ASNSD1: variants seen among roughly 807,000 people sequenced by gnomAD.
ASNSD1 encodes asparagine synthetase domain containing 1.
A neutral mutation model predicts 48.3 loss-of-function variants in ASNSD1; 36 were observed. The observed-to-expected ratio is 0.75, with a 90% CI of 0.57 to 0.99. ASNSD1 has a LOEUF of 0.99. ASNSD1 is among the 50% of genes least tolerant of loss of function. The pLI is 0.00. For missense variants in ASNSD1, 714 were observed against 758.2 expected, an observed-to-expected ratio of 0.94 and a Z score of 0.69; for synonymous variants, 257 against 262.1, an observed-to-expected ratio of 0.98 and a Z score of 0.19.
intron 3 of ASNSD1, 47 bp from the exon 4 acceptor site, chr2:189,665,994 C>T: frequency 2.0e-6 from 2 of 1,002,246 alleles, no homozygotes; most frequent in Non-Finnish European, 1.4e-6. Context: ...GGTAAAAGTC[C>T]AAGAATTTTT....
chr2:189,670,542 T>G lies in ASNSD1; in HGVS notation c.1748T>G (p.Leu583Arg), dbSNP rs1443021952. Reference protein sequence around the residue: ...TLPRGIGEKLLLRLAAVELGL... With the variant: ...TLPRGIGEKLRLRLAAVELGL... ...CCCCGAGGAATTGGTGAAAAATTAC[T>G]TTTACGCCTTGCAGCTGTGGAACTT... The change falls in exon 6 of 6, where the codon CTT (leucine) becomes CGT (arginine). Residue 583 changes from leucine (L) to arginine (R), a missense_variant. Physicochemically the swap from Leu to Arg is moderately radical, Grantham distance 102. Transcript: ENST00000260952. The G allele has an allele frequency of 6.2e-7, 1 of 1,614,160 alleles. No individual in the cohort carries two copies. The highest frequency in any genetic ancestry group is 8.5e-7 in the Non-Finnish European group (1 of 1,179,998).
intron 2 of ASNSD1, among the ~76,000 whole-genome samples, chr2:189,664,341 T>A (rs969509283): frequency 2.0e-5 from 3 of 152,226 alleles, no homozygotes; most frequent in African/African-American, 7.2e-5. Flanking sequence ...CAAAAAAGGA[T>A]ACATTGCTTC....
In ASNSD1 at chr2:189,666,645, AG is replaced by A; in HGVS notation, c.514del (p.Glu172LysfsTer44). 1 of 1,614,180 alleles carries A rather than the reference AG, an allele frequency of 6.2e-7. No individual in the cohort carries two copies. The highest frequency in any genetic ancestry group is 1.1e-5 in the South Asian group (1 of 91,086). On this transcript the variant is annotated frameshift_variant, in exon 4 of 6. Transcript: ENST00000260952. LOFTEE classifies it high-confidence loss of function. ...CATCTGGATTGGCAAATCAGTGGCA[AG>A]AAGTTCCAGCATCTGGACTTTTCAG... ...QTSGLANQWQ[E>X]VPASGLFRID... is the part of the protein sequence containing the mutation.
In ASNSD1 at chr2:189,667,828, T is replaced by C. The variant is rs1404992772; in HGVS notation, c.1529T>C (p.Phe510Ser). 6.2e-7 allele frequency: 1 copy of C among 1,613,974 alleles called. No individual in the cohort carries two copies. The highest frequency in any genetic ancestry group is 1.3e-5 in the African/African-American group (1 of 74,924). ...LAGYSRHRVR[F>S]QSHGLEGLNK... Reference sequence around the variant, plus strand: ...GGTTATTCTCGTCATCGTGTCCGCTTTCAGTCGCATGGGCTGGAAGGATTG... The same window carrying C: ...GGTTATTCTCGTCATCGTGTCCGCTCTCAGTCGCATGGGCTGGAAGGATTG... Residue 510 changes from phenylalanine (F) to serine (S), a missense_variant, in exon 5 of 6, where the codon TTT becomes TCT. By Grantham distance (155) the Phe-to-Ser change is radical. Coordinates refer to ENST00000260952, the MANE Select transcript of ASNSD1 (RefSeq NM_019048.4).
chr2:189,664,944 T>C (rs796976728), intron 2 of ASNSD1, among the ~76,000 whole-genome samples: 11 of 152,280 alleles, frequency 7.2e-5, no homozygotes, highest in African/African-American at 2.2e-4. Context: ...TGATTTACAA[T>C]AGCAAAGAGA....
intron 2 of ASNSD1, among the ~76,000 whole-genome samples, chr2:189,664,650 G>A (rs1426419054): frequency 1.3e-5 from 2 of 152,026 alleles, no homozygotes; most frequent in African/African-American, 2.4e-5. Flanking sequence ...TCAGGAGGCC[G>A]AGGCACAAGA....
Position 189,670,619 on chromosome 2 carries a change from AG to A in ASNSD1, c.1826del (p.Arg609LysfsTer24). 1 of 1,614,072 alleles carries A rather than the reference AG, an allele frequency of 6.2e-7. No individual in the cohort carries two copies. Among genetic ancestry groups the A allele is most frequent in the South Asian group, 1.1e-5 (1 of 91,064 alleles). ...CAAACGGGCCATGCAGTTTGGATCA[AG>A]AATTGCAAAAATGGAAAAAATTAAT... Reference protein sequence around the residue: ...LPKRAMQFGSRIAKMEKINEK... With the variant: ...LPKRAMQFGSXIAKMEKINEK... On this transcript the variant is annotated frameshift_variant, in exon 6 of 6. Coordinates refer to ENST00000260952, the MANE Select transcript of ASNSD1 (RefSeq NM_019048.4). LOFTEE classifies it high-confidence loss of function.
At chr2:189,667,973 C>A in intron 5 of ASNSD1, 28 bp downstream of exon 5, 1 of 1,575,554 alleles carries the variant, frequency 6.3e-7, no homozygotes. Flanking sequence ...AGTGTTCTTA[C>A]GGTATTTTTA....
rs2032811894 is a variant in ASNSD1 at position 189,666,632 on chromosome 2, C to T, written c.500C>T (p.Ala167Val). ...GTTGGCACCCAAACATCTGGATTGGCAAATCAGTGGCAAGAAGTTCCAGCA... is the reference window on the plus strand; with the variant it reads ...GTTGGCACCCAAACATCTGGATTGGTAAATCAGTGGCAAGAAGTTCCAGCA... ...SSVGTQTSGL[A>V]NQWQEVPASG... Residue 167 changes from alanine (A) to valine (V), a missense_variant, in exon 4 of 6, where the codon GCA becomes GTA. Ala to Val is a moderately conservative substitution (Grantham distance 64). Transcript: ENST00000260952. The T allele has an allele frequency of 1.2e-6, 2 of 1,614,124 alleles. No individual in the cohort carries two copies. The highest frequency in any genetic ancestry group is 2.2e-5 in the South Asian group (2 of 91,086).
In ASNSD1 at chr2:189,666,247, T is replaced by C. The variant is rs372674227; in HGVS notation, c.115T>C (p.Leu39=). ...GGGACCCAATAGTAGTAAACAATTG[T>C]TAAAGTCTGATGTTAACTACCAGTG... The part of the protein sequence containing the change: ...QRGPNSSKQL[L]KSDVNYQCLF... The change falls in exon 4 of 6, where the codon TTA becomes CTA. Residue 39 remains leucine (L), a synonymous_variant. Coordinates refer to ENST00000260952, the MANE Select transcript of ASNSD1 (RefSeq NM_019048.4). 26 of 1,613,998 alleles carry C rather than the reference T, an allele frequency of 1.6e-5. No individual in the cohort carries two copies. The African/African-American group carries it at 3.3e-4, about 21-fold the overall frequency.
At chr2:189,665,243 C>G (rs1313527457) in intron 2 of ASNSD1, 133 bp from the exon 3 acceptor site, 2 of 370,374 alleles carry the variant, frequency 5.4e-6, no homozygotes, top group East Asian at 7.6e-5. Context: ...TTTTATTTGT[C>G]TTTTTGCTTG....
rs2032798414 is a variant in ASNSD1, at chr2:189,666,216, A to G, written c.84A>G (p.Lys28=). The G allele has an allele frequency of 1.2e-6, 2 of 1,613,420 alleles. No homozygotes were observed. Among genetic ancestry groups the G allele is most frequent in the African/African-American group, 1.3e-5 (1 of 74,928 alleles). The stretch of plus-strand genomic sequence containing the variant: ...AAGAGGACTTACTATATAATCTTAA[A>G]CAGCGGGGACCCAATAGTAGTAAAC... ...DLKEDLLYNL[K]QRGPNSSKQL... The change falls in exon 4 of 6, where the codon AAA becomes AAG. Residue 28 remains lysine, a synonymous_variant. Coordinates refer to ENST00000260952, the MANE Select transcript of ASNSD1 (RefSeq NM_019048.4).
intron 2 of ASNSD1, among the ~76,000 whole-genome samples, chr2:189,664,928 C>T (rs1236870775): frequency 6.6e-6 from 1 of 152,188 alleles, no homozygotes; most frequent in Non-Finnish European, 1.5e-5. Context: ...ATAATCATCA[C>T]AACCTTGATT....
At chr2:189,664,504 T>C (rs187026966) in intron 2 of ASNSD1, among the ~76,000 whole-genome samples, 7 of 152,332 alleles carry the variant, frequency 4.6e-5, no homozygotes, top group Admixed American at 6.5e-5. Flanking sequence ...AAGAAATGAG[T>C]TTGAGCTCTT....
Position 189,667,036 on chromosome 2 carries a change from C to G in ASNSD1, c.904C>G (p.Pro302Ala). The G allele has an allele frequency of 6.2e-7, 1 of 1,613,936 alleles. No individual in the cohort carries two copies. Among genetic ancestry groups the G allele is most frequent in the Non-Finnish European group, 8.5e-7 (1 of 1,179,956 alleles). The stretch of plus-strand genomic sequence containing the variant: ...AGTCAAGAAACGTGTCTTGTGTTTA[C>G]CTAGGGATGAAAACCTGACAGCAAA... ...VAVKKRVLCL[P>A]RDENLTANEV... is the part of the protein sequence containing the mutation. Residue 302 changes from proline (P) to alanine (A), a missense_variant, in exon 4 of 6, where the codon CCT becomes GCT. By Grantham distance (27) the Pro-to-Ala change is conservative. Transcript: ENST00000260952.
intron 1 of ASNSD1, among the ~76,000 whole-genome samples, chr2:189,662,203 C>T (rs2032682697): frequency 6.6e-6 from 1 of 152,192 alleles, no homozygotes; most frequent in South Asian, 2.1e-4. Context: ...GGTTGTCACT[C>T]ATACCAAACT....
chr2:189,664,956 G>A (rs768229731), intron 2 of ASNSD1, among the ~76,000 whole-genome samples: 65 of 152,122 alleles, frequency 4.3e-4, no homozygotes, highest in Non-Finnish European at 5.4e-4. Flanking sequence ...GCAAAGAGAT[G>A]GTAACACCTT....
intron 2 of ASNSD1, among the ~76,000 whole-genome samples, chr2:189,664,199 T>G (rs2032735362): frequency 6.6e-6 from 1 of 152,246 alleles, no homozygotes; most frequent in East Asian, 1.9e-4. Context: ...ACTAGTTGTA[T>G]TTTGGTATCT....
rs189553114 is a variant in ASNSD1 at position 189,666,088 on chromosome 2, G to C, written c.-45G>C. 96 of 1,489,518 alleles carry C rather than the reference G, an allele frequency of 6.4e-5. No homozygotes were observed. Among genetic ancestry groups the C allele is most frequent in the Non-Finnish European group, 7.4e-5 (83 of 1,122,500 alleles). 92.3% of individuals were successfully genotyped at this position (1,489,518 alleles called of 1,614,324 possible). A position where few individuals can be genotyped will look rare whatever the true frequency, so the allele number is the denominator to read the frequency against. ...AGAATACCAAGAAATAGAAAACTTA[G>C]ACAAGACCAAAATCAAGAAATAGTC... On this transcript the variant is annotated 5_prime_UTR_variant, in exon 4 of 6. Transcript: ENST00000260952.
Sources: allele counts gnomAD v4.1 joint callset (sites outside exome capture counted in the v4.1 genomes callset), GRCh38; gene constraint gnomAD v4.1.1; transcripts MANE v1.5; gene names NCBI Gene and HGNC (gene_info 2026-07-23, HGNC 2026-07-21).